The following NR3C2 variants were observed in gnomAD, a reference collection of about 807,000 sequenced individuals.
NR3C2 encodes nuclear receptor subfamily 3 group C member 2, also known as mineralocorticoid receptor.
In NR3C2, 15 loss-of-function variants were observed where a neutral mutation model predicts 86.4. The ratio of observed to expected loss-of-function variants is 0.17; its 90% CI spans 0.12 to 0.27. NR3C2 has a LOEUF of 0.27. NR3C2 is among the 10% of genes least tolerant of loss of function. The pLI, the probability that NR3C2 is intolerant of heterozygous loss-of-function variation, is 1.00. For missense variants in NR3C2, 960 were observed against 1,195.6 expected, an observed-to-expected ratio of 0.80 and a Z score of 2.91; for synonymous variants, 458 against 450.5, an observed-to-expected ratio of 1.02 and a Z score of -0.21.
At chr4:148,160,106 T>A (rs983534380) in intron 4 of NR3C2, among the ~76,000 whole-genome samples, 4 of 152,200 alleles carry the variant, frequency 2.6e-5, no homozygotes, top group Non-Finnish European at 5.9e-5. Context: ...TAATAACTAG[T>A]ATGTGCTTAG....
At chr4:148,286,835 A>G (rs1000079378) in intron 2 of NR3C2, among the ~76,000 whole-genome samples, 1 of 152,218 alleles carries the variant, frequency 6.6e-6, no homozygotes, top group African/African-American at 2.4e-5. Flanking sequence ...AATTCTCATA[A>G]CATAATTTGT....
intron 2 of NR3C2, among the ~76,000 whole-genome samples, chr4:148,407,983 T>TA (rs1489019150): frequency 6.6e-6 from 1 of 152,146 alleles, no homozygotes; most frequent in African/African-American, 2.4e-5. Flanking sequence ...CAACAGTTTT[T>TA]AGATTAGATT....
At chr4:148,183,063 C>T (rs955877773) in intron 4 of NR3C2, among the ~76,000 whole-genome samples, 1 of 152,112 alleles carries the variant, frequency 6.6e-6, no homozygotes, top group African/African-American at 2.4e-5. Flanking sequence ...TGAGTGAGAA[C>T]ATGTGGTGTT....
At position 148,299,045 on chromosome 4, in the gene NR3C2, G is replaced by C. The variant is rs533305343; in HGVS notation, c.1758-38928C>G. Among the ~76,000 whole-genome samples the C allele has an allele frequency of 4.6e-5, 7 of 152,316 alleles. No individual in the cohort carries two copies. In the East Asian group the frequency reaches 1.4e-3, roughly 29 times the overall value. On this transcript the variant is annotated intron_variant, in intron 2 of 8. Transcript: ENST00000358102. ...TCTTCAGCTCATGCATGGTGGCCCA[G>C]TATTCAATACGTGAGGTGGGAGCCT... is the stretch of plus-strand genomic sequence containing the variant.
chr4:148,154,376 G>A (rs140374824), intron 5 of NR3C2, among the ~76,000 whole-genome samples, 175 bp downstream of exon 5: 18 of 152,290 alleles, frequency 1.2e-4, no homozygotes, highest in Non-Finnish European at 2.2e-4. Context: ...CGGAAGAAAT[G>A]AGCACATTAA....
At chr4:148,364,507 T>C (rs1746009870) in intron 2 of NR3C2, among the ~76,000 whole-genome samples, 1 of 152,248 alleles carries the variant, frequency 6.6e-6, no homozygotes, top group Non-Finnish European at 1.5e-5. Context: ...TGAGCTACTC[T>C]CTGAAATTGT....
chr4:148,379,759 A>G (rs138368590), intron 2 of NR3C2, among the ~76,000 whole-genome samples: 81 of 152,188 alleles, frequency 5.3e-4, no homozygotes, highest in African/African-American at 1.8e-3. Context: ...ATTAGAAAAT[A>G]TATTTTCAAA....
intron 2 of NR3C2, among the ~76,000 whole-genome samples, chr4:148,362,634 T>C (rs570357089): frequency 3.9e-5 from 6 of 152,326 alleles, no homozygotes; most frequent in African/African-American, 1.4e-4. Flanking sequence ...GCCGAGACTA[T>C]ACAGCAGTGA....
At chr4:148,186,328 T>A (rs567087597) in intron 4 of NR3C2, among the ~76,000 whole-genome samples, 1 of 152,230 alleles carries the variant, frequency 6.6e-6, no homozygotes, top group South Asian at 2.1e-4. Context: ...TATTTTCTTA[T>A]AAAATTATAG....
At position 148,417,570 on chromosome 4, in the gene NR3C2, T is replaced by C. The variant is rs777324152; in HGVS notation, c.1757+17534A>G. Among the ~76,000 whole-genome samples the C allele has an allele frequency of 2.2e-4, 34 of 152,362 alleles. 1 individual carries two copies. Among genetic ancestry groups the C allele is most frequent in the Non-Finnish European group, 4.3e-4 (29 of 68,030 alleles). ...CTAGATGGCAACATATGCTGACTTA[T>C]TACAACAGAATTACTCAATCTGAGA... On this transcript the variant is annotated intron_variant, in intron 2 of 8. Transcript: ENST00000358102.
intron 2 of NR3C2, among the ~76,000 whole-genome samples, chr4:148,347,939 CCT>C (rs1745079283): frequency 6.6e-6 from 1 of 152,058 alleles, no homozygotes; most frequent in Non-Finnish European, 1.5e-5. Context: ...ATAGGCCACC[CCT>C]GTTTGCCTAT....
Position 148,363,085 on chromosome 4 carries a change from G to A in NR3C2, c.1757+72019C>T, listed in dbSNP as rs183100610. Among the ~76,000 whole-genome samples the A allele has an allele frequency of 2.0e-5, 3 of 152,288 alleles. No individual in the cohort carries two copies. The East Asian group carries it at 5.8e-4, about 29-fold the overall frequency. ...TGCCTTCCTGTGCTCCATCCATAAA[G>A]TGGAGAGGACACTGCTTTAAACCAC... On this transcript the variant is annotated intron_variant, in intron 2 of 8. Transcript: ENST00000358102.
intron 2 of NR3C2, among the ~76,000 whole-genome samples, chr4:148,340,930 T>A (rs187978562): frequency 6.6e-6 from 1 of 152,006 alleles, no homozygotes; most frequent in African/African-American, 2.4e-5. Flanking sequence ...TATCATCTCA[T>A]CCCAGTTAAA....
At chr4:148,338,260 T>C (rs751341878) in intron 2 of NR3C2, among the ~76,000 whole-genome samples, 1 of 152,226 alleles carries the variant, frequency 6.6e-6, no homozygotes, top group Non-Finnish European at 1.5e-5. Flanking sequence ...ATTTCTACAG[T>C]GTTAATAACT....
At chr4:148,442,746 C>T (rs1031363928), upstream of NR3C2, 3 of 985,322 alleles carry the variant, frequency 3.0e-6, no homozygotes, top group African/African-American at 1.7e-5. Context: ...GCGGCGGGAG[C>T]TTGGGGTGCC....
chr4:148,392,862 G>A (rs1013626837), intron 2 of NR3C2, among the ~76,000 whole-genome samples: 1 of 152,164 alleles, frequency 6.6e-6, no homozygotes, highest in Non-Finnish European at 1.5e-5. Flanking sequence ...TGTGGTGAAT[G>A]ATACACCTCC....
chr4:148,191,838 ATTGT>A (rs1560969901), intron 4 of NR3C2, among the ~76,000 whole-genome samples: 3 of 152,154 alleles, frequency 2.0e-5, no homozygotes, highest in Admixed American at 2.0e-4. Context: ...AGAATTTTTG[ATTGT>A]TTTTTTCTTT....
intron 2 of NR3C2, among the ~76,000 whole-genome samples, chr4:148,278,111 TG>T (rs751454076): frequency 0.51 from 76,774 of 151,588 alleles, 20,784 homozygotes; most frequent in African/African-American, 0.71. Context: ...TTTGTTTGTT[TG>T]TTTGTTTGAG....
chr4:148,188,331 A>G (rs1578990304), intron 4 of NR3C2, among the ~76,000 whole-genome samples: 1 of 152,240 alleles, frequency 6.6e-6, no homozygotes, highest in Non-Finnish European at 1.5e-5. Flanking sequence ...CACAATATTG[A>G]TTCTACCCAA....
Sources: allele counts gnomAD v4.1 joint callset (sites outside exome capture counted in the v4.1 genomes callset), GRCh38; gene constraint gnomAD v4.1.1; transcripts MANE v1.5; gene names NCBI Gene and HGNC (gene_info 2026-07-23, HGNC 2026-07-21).